Variants in TFEC observed in about 807,000 individuals in gnomAD.
TFEC encodes the protein transcription factor EC, also known as class E basic helix-loop-helix protein 34.
A neutral mutation model predicts 41.6 loss-of-function variants in TFEC; 31 were observed. That is an observed-to-expected ratio of 0.74 (90% CI 0.56 to 1.01). The LOEUF (loss-of-function observed/expected upper bound fraction) is 1.01, where lower values mean the gene tolerates loss of function less well. Among genes scored for constraint, TFEC ranks in the 50% least tolerant of loss-of-function variants. The pLI is 0.00. For missense variants in TFEC, 402 were observed against 404.1 expected (o/e 0.99, Z 0.04); for synonymous variants, 143 against 140.6 (o/e 1.02, Z -0.12).
exon 3 of TFEC, chr7:116,110,866 C>T: frequency 1.3e-6 from 2 of 1,542,224 alleles, no homozygotes; most frequent in South Asian, 1.2e-5. Flanking sequence ...CCTAATTGTT[C>T]TTTCAGCTGA....
At chr7:116,072,077 G>C (rs1239630173) in intron 3 of TFEC, among the ~76,000 whole-genome samples, 1 of 151,506 alleles carries the variant, frequency 6.6e-6, no homozygotes, top group Non-Finnish European at 1.5e-5. Flanking sequence ...ATATGTGTGT[G>C]TTTATTAAAT....
At chr7:116,155,414 C>G (rs1031826347) in intron 1 of TFEC, among the ~76,000 whole-genome samples, 1 of 152,158 alleles carries the variant, frequency 6.6e-6, no homozygotes, top group East Asian at 1.9e-4. Flanking sequence ...ATTTCCACGT[C>G]GTACTTCTTA....
chr7:116,041,377 G>C (rs1398003913), intron 3 of TFEC, among the ~76,000 whole-genome samples: 1 of 152,076 alleles, frequency 6.6e-6, no homozygotes, highest in African/African-American at 2.4e-5. Flanking sequence ...TGAAATATCA[G>C]CTCCAGATTC....
intron 3 of TFEC, among the ~76,000 whole-genome samples, chr7:115,957,911 T>C (rs1203932263): frequency 6.6e-6 from 1 of 151,870 alleles, no homozygotes; most frequent in African/African-American, 2.4e-5. Context: ...TCTGAGATAA[T>C]AATCTATTAC....
intron 2 of TFEC, among the ~76,000 whole-genome samples, chr7:115,975,474 T>C (rs1426258670): frequency 6.6e-6 from 1 of 152,108 alleles, no homozygotes; most frequent in Admixed American, 6.6e-5. Context: ...GAGAATTGAG[T>C]GTTCGGAGAA....
At chr7:115,956,501 T>G (rs1040348456) in intron 4 of TFEC, among the ~76,000 whole-genome samples, 178 bp downstream of exon 4, 1 of 151,968 alleles carries the variant, frequency 6.6e-6, no homozygotes, top group Non-Finnish European at 1.5e-5. Flanking sequence ...AGTCAAACTA[T>G]AAGTTATTTT....
intron 3 of TFEC, among the ~76,000 whole-genome samples, chr7:116,098,518 C>T (rs1163496415): frequency 1.3e-5 from 2 of 152,028 alleles, no homozygotes. Context: ...CCAAGAACAC[C>T]TAGTCATCCT....
chr7:116,034,687 TAC>T (rs58308740), upstream of TFEC, among the ~76,000 whole-genome samples: 219 of 148,046 alleles, frequency 1.5e-3, 2 homozygotes, highest in Middle Eastern at 3.4e-3. Flanking sequence ...CAGGCATGCA[TAC>T]ACACACACAC....
At chr7:116,129,377 G>A (rs527290855) in intron 1 of TFEC, among the ~76,000 whole-genome samples, 161 of 151,064 alleles carry the variant, frequency 1.1e-3, no homozygotes, top group Non-Finnish European at 1.9e-3. Flanking sequence ...TCACTCAGTA[G>A]TGGATCAAAG....
rs138050034 is a variant in TFEC, at chr7:116,156,838, G to T, written c.-69+2952C>A. On this transcript the variant is annotated intron_variant, in intron 1 of 8. Transcript: ENST00000484212. ...CTAAATGAAGGTTTTGGACTAAATG[G>T]CCATTAACATACTTTGCCATTTTCA... 2.8e-3 allele frequency among the ~76,000 whole-genome samples: 427 copies of T among 152,224 alleles called. 5 individuals are homozygous for T. Among genetic ancestry groups the T allele is most frequent in the Middle Eastern group, 0.024 (7 of 294 alleles).
At chr7:116,049,909 T>A (rs1796266805) in intron 3 of TFEC, among the ~76,000 whole-genome samples, 1 of 152,138 alleles carries the variant, frequency 6.6e-6, no homozygotes, top group Non-Finnish European at 1.5e-5. Flanking sequence ...AAGGCAGAAA[T>A]AAAGATGTTC....
chr7:115,939,057 A>T lies in TFEC; in HGVS notation c.*1494T>A, dbSNP rs1334410268. ...AGAGAAGTCAAATTCTGCTGTTCCC[A>T]TAAAGTTTGTCAGTCATTTTCATTT... On this transcript the variant is annotated 3_prime_UTR_variant, in exon 8 of 8. Transcript: ENST00000265440. 3.9e-5 allele frequency: 6 copies of T among 152,002 alleles called. No individual in the cohort carries two copies. The highest frequency in any genetic ancestry group is 3.9e-4 in the Admixed American group (6 of 15,242). The allele number at this position is 152,002 out of a possible 1,614,324, so 9.4% of individuals were successfully genotyped here. A position where few individuals can be genotyped will look rare whatever the true frequency, so the allele number is the denominator to read the frequency against.
chr7:115,956,849 ATT>A, intron 3 of TFEC, 56 bp from the exon 4 acceptor site: 1 of 1,079,092 alleles, frequency 9.3e-7, no homozygotes, highest in Non-Finnish European at 1.3e-6. Context: ...AAATTGATAT[ATT>A]TAGTTATATA....
chr7:115,964,596 T>A (rs949202824), intron 3 of TFEC, among the ~76,000 whole-genome samples: 1 of 151,466 alleles, frequency 6.6e-6, no homozygotes, highest in Non-Finnish European at 1.5e-5. Flanking sequence ...CTCAACAAAT[T>A]CAGAAAAAAG....
At chr7:115,961,023 G>A (rs1235305809) in intron 3 of TFEC, among the ~76,000 whole-genome samples, 1 of 151,486 alleles carries the variant, frequency 6.6e-6, no homozygotes, top group East Asian at 1.9e-4. Context: ...GAACTACAAG[G>A]GGAAATGAAT....
chr7:115,977,570 C>T (rs1252964679), intron 2 of TFEC, among the ~76,000 whole-genome samples: 6 of 151,660 alleles, frequency 4.0e-5, no homozygotes, highest in African/African-American at 1.5e-4. Context: ...AACTTTAAGG[C>T]AAAAATACCT....
intron 3 of TFEC, among the ~76,000 whole-genome samples, chr7:116,108,296 A>G (rs1193457784): frequency 1.3e-5 from 2 of 152,174 alleles, no homozygotes; most frequent in African/African-American, 2.4e-5. Flanking sequence ...TAAAGCAAGT[A>G]TTATTGATAT....
At chr7:116,017,127 C>G (rs1795221685) in intron 1 of TFEC, among the ~76,000 whole-genome samples, 1 of 152,208 alleles carries the variant, frequency 6.6e-6, no homozygotes, top group African/African-American at 2.4e-5. Context: ...CCAACCCTCT[C>G]CAATCATTCT....
intron 2 of TFEC, among the ~76,000 whole-genome samples, chr7:115,976,611 G>A (rs1170675010): frequency 6.6e-5 from 10 of 152,028 alleles, no homozygotes. Context: ...CTTTTGTTTG[G>A]TCCAGTCTCT....
Sources: gnomAD v4.1 joint callset for allele counts (sites outside exome capture counted in the v4.1 genomes callset) on GRCh38, gnomAD v4.1.1 for gene constraint, MANE v1.5 for transcripts, NCBI Gene and HGNC (gene_info 2026-07-23, HGNC 2026-07-21) for gene names.